The following PDS5B variants were observed in gnomAD, a reference collection of about 807,000 sequenced individuals.
PDS5B encodes the protein PDS5 cohesin associated factor B, also known as sister chromatid cohesion protein PDS5 homolog B.
PDS5B carries 51 observed loss-of-function variants against 184.1 expected under a neutral mutation model. The observed-to-expected ratio is 0.28, with a 90% confidence interval of 0.22 to 0.35. The LOEUF (loss-of-function observed/expected upper bound fraction) is 0.35, where lower values mean the gene tolerates loss of function less well. Among genes scored for constraint, PDS5B ranks in the 10% least tolerant of loss-of-function variants. The probability of loss-of-function intolerance (pLI) is 1.00; values close to 1 mark genes in which losing one functional copy is unlikely to be tolerated. For missense variants in PDS5B, 1,180 were observed against 1,723.3 expected (o/e 0.68, Z 5.58); for synonymous variants, 566 against 569.2 (o/e 0.99, Z 0.08).
At chr13:32,631,118 C>T (rs533730) in intron 1 of PDS5B, among the ~76,000 whole-genome samples, 46,343 of 87,182 alleles carry the variant, frequency 0.53, 9,758 homozygotes, top group African/African-American at 0.65. Context: ...TTTTTTCTTT[C>T]TTTTTTTTTT....
At chr13:32,629,546 C>T (rs2058423725) in intron 1 of PDS5B, among the ~76,000 whole-genome samples, 1 of 151,878 alleles carries the variant, frequency 6.6e-6, no homozygotes. Flanking sequence ...TACTCACTGA[C>T]CCATTAGGTT....
At chr13:32,611,351 A>G (rs1220107343) in intron 1 of PDS5B, among the ~76,000 whole-genome samples, 1 of 151,858 alleles carries the variant, frequency 6.6e-6, no homozygotes, top group Non-Finnish European at 1.5e-5. Flanking sequence ...TGGTTTAGTT[A>G]AGGTCCTTAT....
At chr13:32,713,154 C>T (rs1156487588) in intron 19 of PDS5B, among the ~76,000 whole-genome samples, 1 of 152,184 alleles carries the variant, frequency 6.6e-6, no homozygotes, top group East Asian at 1.9e-4. Context: ...AAAGGACTTA[C>T]TACCTTTAGT....
intron 1 of PDS5B, among the ~76,000 whole-genome samples, chr13:32,637,218 A>AATAAGGGT (rs376086174): frequency 2.6e-5 from 4 of 151,730 alleles, no homozygotes; most frequent in South Asian, 2.1e-4. Flanking sequence ...GTAATGGCTA[A>AATAAGGGT]TGATTTCATT....
intron 1 of PDS5B, among the ~76,000 whole-genome samples, chr13:32,614,847 C>G (rs2058194997): frequency 6.6e-6 from 1 of 152,150 alleles, no homozygotes; most frequent in Non-Finnish European, 1.5e-5. Flanking sequence ...TTTCTTGTAT[C>G]TTCCTCTTAA....
intron 1 of PDS5B, among the ~76,000 whole-genome samples, chr13:32,613,356 G>T (rs1163732483): frequency 6.6e-6 from 1 of 152,168 alleles, no homozygotes; most frequent in Non-Finnish European, 1.5e-5. Context: ...ATTCCCTCCA[G>T]CAGTGCATGA....
chr13:32,715,832 TA>T (rs1952375954), intron 19 of PDS5B, among the ~76,000 whole-genome samples: 1 of 152,210 alleles, frequency 6.6e-6, no homozygotes, highest in South Asian at 2.1e-4. Context: ...CTGGTTTTCG[TA>T]TTTTTTTGGT....
At chr13:32,711,310 T>C (rs1442777652) in intron 19 of PDS5B, among the ~76,000 whole-genome samples, 1 of 150,542 alleles carries the variant, frequency 6.6e-6, no homozygotes, top group Admixed American at 6.6e-5. Context: ...TAAATGGTAA[T>C]AGAAACCTAC....
At chr13:32,655,969 T>C (rs186532158) in intron 3 of PDS5B, among the ~76,000 whole-genome samples, 1 of 152,336 alleles carries the variant, frequency 6.6e-6, no homozygotes, top group East Asian at 1.9e-4. Context: ...GTTTTACATT[T>C]AAGTCTTTAA....
At chr13:32,733,180 G>C (rs150130266) in intron 20 of PDS5B, among the ~76,000 whole-genome samples, 1 of 152,234 alleles carries the variant, frequency 6.6e-6, no homozygotes, top group African/African-American at 2.4e-5. Context: ...TCTCAATAGT[G>C]ATGAGAGAAA....
intron 16 of PDS5B, among the ~76,000 whole-genome samples, chr13:32,700,610 G>A (rs1204147865): frequency 6.6e-6 from 1 of 151,976 alleles, no homozygotes; most frequent in African/African-American, 2.4e-5. Flanking sequence ...TTACTGATTT[G>A]TGAGTTTGTC....
intron 17 of PDS5B, among the ~76,000 whole-genome samples, chr13:32,704,125 C>T (rs962390151): frequency 6.6e-6 from 1 of 151,422 alleles, no homozygotes; most frequent in Admixed American, 6.6e-5. Flanking sequence ...TTTACATTTA[C>T]ATCTGTAATT....
chr13:32,698,492 ATCATGTTTATCTGTTG>A (rs1951771186), intron 15 of PDS5B, among the ~76,000 whole-genome samples: 1 of 152,140 alleles, frequency 6.6e-6, no homozygotes, highest in South Asian at 2.1e-4. Flanking sequence ...TCTATAAGTG[ATCATGTTTATCTGTTG>A]TACTATAATG....
intron 1 of PDS5B, among the ~76,000 whole-genome samples, chr13:32,601,600 C>T (rs1258729831): frequency 6.6e-6 from 1 of 152,186 alleles, no homozygotes; most frequent in African/African-American, 2.4e-5. Flanking sequence ...CTGTCTTTGA[C>T]CTTTACCCCT....
chr13:32,645,138 A>G (rs1408078107), intron 1 of PDS5B, among the ~76,000 whole-genome samples: 2 of 151,986 alleles, frequency 1.3e-5, no homozygotes, highest in African/African-American at 2.4e-5. Flanking sequence ...CAACTTGGCT[A>G]ATTTTTTATT....
intron 1 of PDS5B, among the ~76,000 whole-genome samples, chr13:32,610,049 T>C (rs535895009): frequency 6.6e-6 from 1 of 152,220 alleles, no homozygotes. Context: ...AGTGTAAGAG[T>C]TGGCTTATTT....
chr13:32,771,704 T>G (rs61945195), intron 33 of PDS5B, among the ~76,000 whole-genome samples: 4 of 152,100 alleles, frequency 2.6e-5, no homozygotes, highest in Non-Finnish European at 5.9e-5. Context: ...GTAAGTACAT[T>G]TTTGTGGCAG....
intron 1 of PDS5B, among the ~76,000 whole-genome samples, chr13:32,638,814 G>C (rs60278702): frequency 0.039 from 5,860 of 152,112 alleles, 187 homozygotes; most frequent in African/African-American, 0.091. Context: ...TTAGGGAAGA[G>C]GGAGGGAAGG....
At chr13:32,611,770 A>G (rs992875536) in intron 1 of PDS5B, among the ~76,000 whole-genome samples, 1 of 151,858 alleles carries the variant, frequency 6.6e-6, no homozygotes, top group African/African-American at 2.4e-5. Context: ...CAGCCTCCCA[A>G]AGTGCTGGGA....
Sources: gnomAD v4.1 joint callset for allele counts (sites outside exome capture counted in the v4.1 genomes callset) on GRCh38, gnomAD v4.1.1 for gene constraint, MANE v1.5 for transcripts, NCBI Gene and HGNC (gene_info 2026-07-23, HGNC 2026-07-21) for gene names.